The following VPS53 variants were observed in gnomAD, a reference collection of about 807,000 sequenced individuals.
The protein encoded by VPS53 is vacuolar protein sorting-associated protein 53 homolog.
VPS53 carries 70 observed loss-of-function variants against 107.0 expected under a neutral mutation model. The ratio of observed to expected loss-of-function variants is 0.65; its 90% CI spans 0.54 to 0.80. The LOEUF is 0.80. VPS53 is among the 30% of genes least tolerant of loss of function. The pLI, the probability that VPS53 is intolerant of heterozygous loss-of-function variation, is 0.00. For missense variants in VPS53, 917 were observed against 1,049.4 expected, an observed-to-expected ratio of 0.87 and a Z score of 1.74; for synonymous variants, 409 against 393.3, an observed-to-expected ratio of 1.04 and a Z score of -0.47.
At chr17:635,264 T>C (rs111489473) in intron 7 of VPS53, among the ~76,000 whole-genome samples, 15,052 of 152,226 alleles carry the variant, frequency 0.099, 829 homozygotes, top group East Asian at 0.21. Context: ...TCTTGTAAAT[T>C]TGTTTGAGTT....
intron 6 of VPS53, 135 bp from the exon 7 acceptor site, chr17:653,545 A>C: frequency 4.4e-6 from 6 of 1,373,312 alleles, no homozygotes; most frequent in Non-Finnish European, 5.9e-6. Flanking sequence ...TGAGTATATA[A>C]GCTGCTGTGC....
intron 15 of VPS53, among the ~76,000 whole-genome samples, chr17:555,382 C>A (rs370666364): frequency 6.6e-6 from 1 of 152,238 alleles, no homozygotes; most frequent in Admixed American, 6.5e-5. Context: ...CCTCCAGGCT[C>A]CTCACTTTTT....
intron 12 of VPS53, among the ~76,000 whole-genome samples, chr17:598,003 G>A (rs1026525596): frequency 4.5e-5 from 6 of 132,048 alleles, no homozygotes; most frequent in South Asian, 2.6e-4. Context: ...CTCTTTCCAC[G>A]GTCTCCCTCT....
chr17:560,422 T>G lies in VPS53; in HGVS notation c.1704+4A>C. 6.2e-7 allele frequency: 1 copy of G among 1,608,914 alleles called. No individual in the cohort carries two copies. Among genetic ancestry groups the G allele is most frequent in the Non-Finnish European group, 8.5e-7 (1 of 1,177,848 alleles). ...GTGGTGAGTGGGCAGCCAGGATGGC[T>G]CACCTGCTGGGTGGTGGCCAGACAG... On this transcript the variant is annotated splice_donor_region_variant and intron_variant, in intron 15 of 21. Transcript: ENST00000437048.
chr17:559,959 T>C (rs1471076473), intron 15 of VPS53, among the ~76,000 whole-genome samples: 2 of 152,228 alleles, frequency 1.3e-5, no homozygotes. Flanking sequence ...ACAATGGCTA[T>C]TTGTTGAGGC....
At chr17:521,786 T>C (rs757815960) in intron 19 of VPS53, 48 bp from the exon 20 acceptor site, 3 of 1,433,868 alleles carry the variant, frequency 2.1e-6, no homozygotes, top group Non-Finnish European at 2.8e-6. Flanking sequence ...AGCGACCCAG[T>C]GCCGAGTGGA....
intron 16 of VPS53, 57 bp downstream of exon 16, chr17:553,323 C>G: frequency 6.5e-7 from 1 of 1,537,842 alleles, no homozygotes. Flanking sequence ...ACGTGCTGCA[C>G]GCTGCTGTGT....
At chr17:558,142 G>T (rs1351836916) in intron 15 of VPS53, among the ~76,000 whole-genome samples, 1 of 152,220 alleles carries the variant, frequency 6.6e-6, no homozygotes, top group Admixed American at 6.5e-5. Context: ...TTACAGGCGT[G>T]AGCCACTGTA....
chr17:704,816 G>A (rs927504444), intron 2 of VPS53, among the ~76,000 whole-genome samples: 1 of 152,056 alleles, frequency 6.6e-6, no homozygotes, highest in African/African-American at 2.4e-5. Flanking sequence ...AGAACCTGGT[G>A]GTTTCCTACA....
At chr17:673,468 AC>A (rs1972044305) in intron 4 of VPS53, among the ~76,000 whole-genome samples, 1 of 152,060 alleles carries the variant, frequency 6.6e-6, no homozygotes, top group Non-Finnish European at 1.5e-5. Context: ...ACTCTCACAC[AC>A]CCAGCCTCAG....
intron 18 of VPS53, chr17:536,789 C>T (rs1421153996): frequency 6.4e-6 from 3 of 466,964 alleles, no homozygotes; most frequent in South Asian, 2.5e-5. Flanking sequence ...ATGTCCAGCG[C>T]GACGTCAGAG....
chr17:713,419 G>C (rs911501573), intron 1 of VPS53, among the ~76,000 whole-genome samples: 3 of 149,880 alleles, frequency 2.0e-5, no homozygotes, highest in African/African-American at 7.4e-5. Flanking sequence ...TTGGGAGGCC[G>C]AGGCGGGCGG....
chr17:552,170 C>T (rs1911881848), intron 16 of VPS53, among the ~76,000 whole-genome samples: 1 of 152,178 alleles, frequency 6.6e-6, no homozygotes, highest in Non-Finnish European at 1.5e-5. Context: ...CGGTCAGTCT[C>T]CCTAATCACC....
chr17:586,040 G>C (rs990650367), intron 13 of VPS53, among the ~76,000 whole-genome samples: 2 of 152,146 alleles, frequency 1.3e-5, no homozygotes, highest in Non-Finnish European at 2.9e-5. Flanking sequence ...TCCCAATGTA[G>C]GGATCCACTG....
At chr17:529,513 C>T (rs939849348) in intron 19 of VPS53, among the ~76,000 whole-genome samples, 3 of 151,990 alleles carry the variant, frequency 2.0e-5, no homozygotes, top group Admixed American at 6.6e-5. Flanking sequence ...AATAATTTGC[C>T]GCTTTTTAAA....
At chr17:569,528 T>C (rs1196796689) in intron 13 of VPS53, among the ~76,000 whole-genome samples, 3 of 152,184 alleles carry the variant, frequency 2.0e-5, no homozygotes, top group African/African-American at 4.8e-5. Context: ...TAAAAATCCA[T>C]GAGTCCATGC....
At chr17:677,354 C>A (rs1972209736) in intron 4 of VPS53, among the ~76,000 whole-genome samples, 1 of 152,116 alleles carries the variant, frequency 6.6e-6, no homozygotes, top group Non-Finnish European at 1.5e-5. Context: ...TACAAAGGGT[C>A]AAATATTGTA....
chr17:565,123 C>T (rs951292044), intron 13 of VPS53, among the ~76,000 whole-genome samples: 9 of 151,942 alleles, frequency 5.9e-5, no homozygotes, highest in African/African-American at 2.2e-4. Flanking sequence ...TATTATAGGC[C>T]CAACGTGGGG....
rs1330838345 is a variant in VPS53 at position 562,847 on chromosome 17, T to C, written c.1314-102A>G. The C allele has an allele frequency of 3.1e-6, 4 of 1,309,794 alleles. No homozygotes were observed. In the African/African-American group the frequency reaches 4.5e-5, roughly 15 times the overall value. 81.1% of individuals were successfully genotyped at this position (1,309,794 alleles called of 1,614,324 possible). ...CATAAACTACTGCCACAAGTAATCATTCCTACTGCATTTAAAACTTAAAAT... is the reference window on the plus strand; with the variant it reads ...CATAAACTACTGCCACAAGTAATCACTCCTACTGCATTTAAAACTTAAAAT... On this transcript the variant is annotated intron_variant, in intron 13 of 21. Transcript: ENST00000437048.
Sources: allele counts gnomAD v4.1 joint callset (sites outside exome capture counted in the v4.1 genomes callset), GRCh38; gene constraint gnomAD v4.1.1; transcripts MANE v1.5; gene names NCBI Gene and HGNC (gene_info 2026-07-23, HGNC 2026-07-21).